Variants in ARHGEF18 observed in about 807,000 individuals in gnomAD.
ARHGEF18 encodes the protein Rho/Rac guanine nucleotide exchange factor 18.
Under a neutral mutation model 155.7 loss-of-function variants are expected in ARHGEF18, and 93 were observed. That is an observed-to-expected ratio of 0.60 (90% CI 0.50 to 0.71). The LOEUF (loss-of-function observed/expected upper bound fraction) is 0.71. Among genes scored for constraint, ARHGEF18 ranks in the 30% least tolerant of loss-of-function variants. The probability of loss-of-function intolerance (pLI) is 0.00; values close to 1 mark genes in which losing one functional copy is unlikely to be tolerated. For missense variants in ARHGEF18, 1,593 were observed against 1,816.1 expected (o/e 0.88, Z 2.23); for synonymous variants, 742 against 753.1 (o/e 0.99, Z 0.24).
At chr19:7,363,203 G>A (rs1442733704) in intron 2 of ARHGEF18, among the ~76,000 whole-genome samples, 2 of 151,978 alleles carry the variant, frequency 1.3e-5, no homozygotes, top group African/African-American at 2.4e-5. Flanking sequence ...GGAAATCAAG[G>A]AAAGATGAGT....
chr19:7,458,550 C>T lies in ARHGEF18; in HGVS notation c.2220C>T (p.Ile740=), dbSNP rs779798271. ...CCGTCATCTCGTTACAAAAGCTCAT[C>T]GTGAGGGAAGTGGCCAACGAGGAGA... ...KPPVISLQKL[I]VREVANEEKA... The change falls in exon 19 of 29, where the codon ATC becomes ATT. Residue 740 remains isoleucine, a synonymous_variant. Coordinates refer to ENST00000668164, the MANE Select transcript of ARHGEF18 (RefSeq NM_001367823.1). The T allele has an allele frequency of 5.0e-6, 8 of 1,613,962 alleles. No individual in the cohort carries two copies. The highest frequency in any genetic ancestry group is 5.1e-6 in the Non-Finnish European group (6 of 1,180,012).
chr19:7,445,224 T>C (rs181843949), intron 14 of ARHGEF18, among the ~76,000 whole-genome samples: 10 of 152,210 alleles, frequency 6.6e-5, no homozygotes, highest in Admixed American at 4.6e-4. Flanking sequence ...AGCAGGTGAA[T>C]TGCTTGAGTC....
At chr19:7,352,415 A>T (rs889135994) in intron 1 of ARHGEF18, among the ~76,000 whole-genome samples, 1 of 151,762 alleles carries the variant, frequency 6.6e-6, no homozygotes, top group Admixed American at 6.6e-5. Context: ...AGCTACATTC[A>T]GGTTCTCAGG....
chr19:7,355,072 A>T (rs1430495648), intron 1 of ARHGEF18, among the ~76,000 whole-genome samples: 25 of 740 alleles, frequency 0.034, no homozygotes, highest in African/African-American at 0.064. Context: ...TGGGCTTCAC[A>T]CACACACACA....
Position 7,470,223 on chromosome 19 carries a change from A to C in ARHGEF18, c.4011A>C (p.Pro1337=). The C allele has an allele frequency of 1.2e-6, 2 of 1,609,342 alleles. No individual in the cohort carries two copies. Among genetic ancestry groups the C allele is most frequent in the Non-Finnish European group, 1.7e-6 (2 of 1,178,510 alleles). The part of the protein sequence containing the change: ...AGGTALLPGP[P]APSPLPATPL... ...GCACAGCCCTCCTGCCCGGGCCCCC[A>C]GCTCCCTCGCCACTGCCGGCCACAC... is the stretch of plus-strand genomic sequence containing the variant. Residue 1337 remains proline (P), a synonymous_variant, in exon 29 of 29, where the codon CCA becomes CCC. Coordinates refer to ENST00000668164, the MANE Select transcript of ARHGEF18 (RefSeq NM_001367823.1). This position sits in a 1 kb window ranked among gnomAD's most constrained non-coding sequence, Gnocchi z 5.9.
chr19:7,361,114 T>C (rs1368775550), intron 1 of ARHGEF18, among the ~76,000 whole-genome samples: 1 of 152,194 alleles, frequency 6.6e-6, no homozygotes, highest in Non-Finnish European at 1.5e-5. Context: ...TGAGCTACCA[T>C]ATACTTCACC....
chr19:7,460,641 G>A (rs955961327), intron 20 of ARHGEF18, among the ~76,000 whole-genome samples: 13 of 122,610 alleles, frequency 1.1e-4, no homozygotes, highest in South Asian at 2.8e-4. Flanking sequence ...GAGTCACACC[G>A]CGCGGCCTTT....
intron 1 of ARHGEF18, among the ~76,000 whole-genome samples, chr19:7,358,034 GC>G (rs1229035215): frequency 6.6e-6 from 1 of 151,972 alleles, no homozygotes; most frequent in Non-Finnish European, 1.5e-5. Context: ...ATGCATCGCT[GC>G]CTCTGGACAC....
At chr19:7,392,677 T>C (rs927958853) in intron 10 of ARHGEF18, 9 of 141,772 alleles carry the variant, frequency 6.3e-5, no homozygotes, top group African/African-American at 2.1e-4. Context: ...ATGGTACCAC[T>C]ACACTGCAGC....
intron 10 of ARHGEF18, among the ~76,000 whole-genome samples, chr19:7,420,637 A>T (rs979260878): frequency 3.3e-5 from 5 of 152,164 alleles, no homozygotes; most frequent in African/African-American, 1.2e-4. Context: ...ACTCTTTTGC[A>T]CCCATGGGTT....
At chr19:7,384,562 T>TG (rs1394331500) in intron 10 of ARHGEF18, among the ~76,000 whole-genome samples, 1 of 152,208 alleles carries the variant, frequency 6.6e-6, no homozygotes, top group Non-Finnish European at 1.5e-5. Context: ...GCCATGGGGC[T>TG]GGGGGTGGCT....
intron 10 of ARHGEF18, among the ~76,000 whole-genome samples, chr19:7,392,283 TG>T (rs1600274980): frequency 6.7e-6 from 1 of 150,346 alleles, no homozygotes; most frequent in Admixed American, 6.6e-5. Context: ...GCAGAATGGT[TG>T]GATGGATAAA....
intron 10 of ARHGEF18, among the ~76,000 whole-genome samples, chr19:7,406,983 T>C (rs1295804695): frequency 7.7e-6 from 1 of 129,410 alleles, no homozygotes; most frequent in Non-Finnish European, 1.6e-5. Flanking sequence ...GAGAATGGCA[T>C]GAACCCGGGA....
chr19:7,398,542 T>A (rs1971850970), intron 10 of ARHGEF18, among the ~76,000 whole-genome samples: 1 of 151,590 alleles, frequency 6.6e-6, no homozygotes, highest in Non-Finnish European at 1.5e-5. Context: ...AATACAAAAA[T>A]TAGCTGGGCG....
intron 16 of ARHGEF18, among the ~76,000 whole-genome samples, chr19:7,452,906 C>G (rs2145841994): frequency 6.6e-6 from 1 of 152,010 alleles, no homozygotes; most frequent in East Asian, 2.0e-4. Context: ...GGTAAAAATT[C>G]AGCTCTGGGC....
intron 18 of ARHGEF18, among the ~76,000 whole-genome samples, chr19:7,457,493 G>C (rs1377777929): frequency 6.6e-6 from 1 of 150,820 alleles, no homozygotes; most frequent in African/African-American, 2.4e-5. Flanking sequence ...CTCCTGAGTA[G>C]CTGGGATTAC....
intron 10 of ARHGEF18, among the ~76,000 whole-genome samples, chr19:7,399,644 C>A (rs1971926805): frequency 6.6e-6 from 1 of 151,800 alleles, no homozygotes; most frequent in African/African-American, 2.4e-5. Flanking sequence ...CCACGCCTGG[C>A]TAATTTTTTG....
intron 1 of ARHGEF18, among the ~76,000 whole-genome samples, chr19:7,350,860 T>C (rs950055123): frequency 3.3e-5 from 5 of 150,540 alleles, no homozygotes; most frequent in Admixed American, 2.7e-4. Flanking sequence ...CTGGAGTACA[T>C]TGGTGCAATC....
chr19:7,477,149 C>T (rs905195381), downstream of ARHGEF18: 12 of 1,383,686 alleles, frequency 8.7e-6, no homozygotes, highest in African/African-American at 1.5e-5. Flanking sequence ...TTCTGCTTTG[C>T]GGGAAGGGCC....
Sources: allele counts gnomAD v4.1 joint callset (sites outside exome capture counted in the v4.1 genomes callset), GRCh38; gene constraint gnomAD v4.1.1; non-coding constraint Gnocchi (gnomAD v3.1); transcripts MANE v1.5; gene names NCBI Gene and HGNC (gene_info 2026-07-23, HGNC 2026-07-21).